TMEM132B: variants seen among roughly 807,000 people sequenced by gnomAD.
TMEM132B encodes the protein transmembrane protein 132B.
In TMEM132B, 18 loss-of-function variants were observed where a neutral mutation model predicts 90.8. That is an observed-to-expected ratio of 0.20 (90% CI 0.14 to 0.29). The LOEUF is 0.29. Ranked by LOEUF, TMEM132B falls within the 10% of genes least tolerant of loss-of-function variation. TMEM132B has a pLI of 1.00. For synonymous variants in TMEM132B, 504 were observed against 523.3 expected (o/e 0.96, Z 0.50); for missense variants, 1,096 against 1,326.8 (o/e 0.83, Z 2.70).
intron 2 of TMEM132B, among the ~76,000 whole-genome samples, chr12:125,356,315 T>C (rs1278584480): frequency 6.6e-6 from 1 of 152,192 alleles, no homozygotes; most frequent in Non-Finnish European, 1.5e-5. Context: ...TTTGGGAAAG[T>C]TACTTAACTT....
intron 1 of TMEM132B, among the ~76,000 whole-genome samples, chr12:125,191,259 G>A (rs190191674): frequency 1.0e-3 from 153 of 152,056 alleles, no homozygotes; most frequent in African/African-American, 3.5e-3. Flanking sequence ...TGGGGAAGGG[G>A]TGGTGATGAA....
At chr12:125,534,011 T>C (rs1390994031) in intron 4 of TMEM132B, among the ~76,000 whole-genome samples, 2 of 152,216 alleles carry the variant, frequency 1.3e-5, no homozygotes, top group Non-Finnish European at 2.9e-5. Flanking sequence ...AGTCCACGTA[T>C]GGGCAGAGAG....
chr12:125,291,457 G>A (rs1368938894), intron 1 of TMEM132B, among the ~76,000 whole-genome samples: 2 of 152,180 alleles, frequency 1.3e-5, no homozygotes, highest in Non-Finnish European at 2.9e-5. Flanking sequence ...AAGTGCTAGA[G>A]GGAGATTCTC....
Position 125,218,478 on chromosome 12 carries a change from G to T in TMEM132B, c.67+31612G>T, listed in dbSNP as rs77646413. Among the ~76,000 whole-genome samples the T allele has an allele frequency of 3.7e-4, 57 of 152,194 alleles. 2 individuals are homozygous for T. The East Asian group carries it at 7.1e-3, about 19-fold the overall frequency. ...TTTGTATCTGGCTTCTAGATTTCCA[G>T]TGCAGAAATGAAATCTAAAAATCTC... On this transcript the variant is annotated intron_variant, in intron 1 of 8. Transcript: ENST00000682704.
chr12:125,213,657 T>A lies in TMEM132B; in HGVS notation c.67+26791T>A, dbSNP rs972316696. On this transcript the variant is annotated intron_variant, in intron 1 of 8. Coordinates refer to ENST00000682704, the MANE Select transcript of TMEM132B (RefSeq NM_001366854.1). The surrounding 1 kb of genome is among the most constrained non-coding windows in gnomAD (Gnocchi z 4.2). ...GATTTTTCTGTCTAGCACTTATCAC[T>A]ATCTGAATGAGTCTCCCTTGTTGCC... Among the ~76,000 whole-genome samples the A allele has an allele frequency of 1.3e-5, 2 of 152,256 alleles. No homozygotes were observed. The highest frequency in any genetic ancestry group is 2.9e-5 in the Non-Finnish European group (2 of 68,042).
At chr12:125,187,828 G>A (rs1003848502) in intron 1 of TMEM132B, among the ~76,000 whole-genome samples, 1 of 135,346 alleles carries the variant, frequency 7.4e-6, no homozygotes, top group African/African-American at 2.9e-5. Context: ...ATGAACCCCG[G>A]GAACAGTCAC....
chr12:125,352,386 A>G (rs1013008263), intron 2 of TMEM132B, among the ~76,000 whole-genome samples: 2 of 152,242 alleles, frequency 1.3e-5, no homozygotes, highest in African/African-American at 2.4e-5. Flanking sequence ...GGGGACTTCT[A>G]TGTGCTGGGG....
At chr12:125,579,390 C>G (rs1885002699) in intron 4 of TMEM132B, among the ~76,000 whole-genome samples, 1 of 150,062 alleles carries the variant, frequency 6.7e-6, no homozygotes, top group South Asian at 2.1e-4. Flanking sequence ...GAGATAGAGT[C>G]TCGCTCTGTG....
chr12:125,287,944 T>C (rs1477837323), intron 1 of TMEM132B, among the ~76,000 whole-genome samples: 2 of 152,092 alleles, frequency 1.3e-5, no homozygotes, highest in Non-Finnish European at 2.9e-5. Context: ...CTCGGCTCAC[T>C]GCAACCTCTG....
chr12:125,322,852 A>G (rs1566001488), intron 1 of TMEM132B, among the ~76,000 whole-genome samples: 1 of 150,988 alleles, frequency 6.6e-6, no homozygotes, highest in African/African-American at 2.4e-5. Flanking sequence ...TATTTCATGC[A>G]TAGAAAATCA....
At chr12:125,355,045 C>T (rs150040072) in intron 2 of TMEM132B, among the ~76,000 whole-genome samples, 1 of 151,798 alleles carries the variant, frequency 6.6e-6, no homozygotes, top group East Asian at 1.9e-4. Context: ...AGTTGAGAGC[C>T]CCCACTTTAA....
chr12:125,566,300 G>A (rs1884656282), intron 4 of TMEM132B, among the ~76,000 whole-genome samples: 1 of 152,134 alleles, frequency 6.6e-6, no homozygotes, highest in Non-Finnish European at 1.5e-5. Context: ...CCGGACAATT[G>A]GAAAATGAGG....
intron 3 of TMEM132B, among the ~76,000 whole-genome samples, chr12:125,486,634 C>T (rs528165159): frequency 1.4e-3 from 207 of 152,244 alleles, no homozygotes; most frequent in African/African-American, 4.5e-3. Flanking sequence ...GCCCACCCCC[C>T]GGAAAATTAT....
chr12:125,626,727 C>G (rs1886243357), intron 5 of TMEM132B, among the ~76,000 whole-genome samples: 1 of 152,062 alleles, frequency 6.6e-6, no homozygotes, highest in Non-Finnish European at 1.5e-5. Context: ...AGGATTTTCT[C>G]TTTGCTTTTG....
At chr12:125,299,541 G>A (rs1875763211) in intron 1 of TMEM132B, among the ~76,000 whole-genome samples, 1 of 152,144 alleles carries the variant, frequency 6.6e-6, no homozygotes, top group African/African-American at 2.4e-5. Context: ...ACCTGCTCAG[G>A]AGCTCCCTAG....
chr12:125,360,144 A>G (rs961616720), intron 2 of TMEM132B, among the ~76,000 whole-genome samples: 2 of 152,218 alleles, frequency 1.3e-5, no homozygotes, highest in East Asian at 3.8e-4. Flanking sequence ...ACATTTTTTA[A>G]CAGATAAATA....
rs558174456 is a variant in TMEM132B, at chr12:125,415,108, C to T, written c.960-423C>T. Among the ~76,000 whole-genome samples, 1 of 152,284 alleles carries T rather than the reference C, an allele frequency of 6.6e-6. No homozygotes were observed. Among genetic ancestry groups the T allele is most frequent in the African/African-American group, 2.4e-5 (1 of 41,560 alleles). On this transcript the variant is annotated intron_variant, in intron 2 of 8. Transcript: ENST00000682704. This position sits in a 1 kb window ranked among gnomAD's most constrained non-coding sequence, Gnocchi z 5.3. ...AGTGCAATGGCCTCCTCTTCCATCC[C>T]CTGGGCTGTGTGATCTTCTGGCCTT...
chr12:125,396,883 T>C (rs1328881447), intron 2 of TMEM132B, among the ~76,000 whole-genome samples: 2 of 152,162 alleles, frequency 1.3e-5, no homozygotes, highest in Admixed American at 6.5e-5. Flanking sequence ...CTTTTCCACG[T>C]TCACACAGCT....
chr12:125,323,595 T>A (rs187768221), intron 1 of TMEM132B, among the ~76,000 whole-genome samples: 69 of 152,280 alleles, frequency 4.5e-4, no homozygotes, highest in African/African-American at 1.6e-3. Flanking sequence ...CTCAGCTCAC[T>A]GCAACCTCTG....
Sources: allele counts gnomAD v4.1 joint callset (sites outside exome capture counted in the v4.1 genomes callset), GRCh38; gene constraint gnomAD v4.1.1; non-coding constraint Gnocchi (gnomAD v3.1); transcripts MANE v1.5; gene names NCBI Gene and HGNC (gene_info 2026-07-23, HGNC 2026-07-21).